FRMD4A: variants seen among roughly 807,000 people sequenced by gnomAD.
FRMD4A encodes the protein FERM domain containing 4A, also known as FERM domain-containing protein 4A.
Under a neutral mutation model 129.1 loss-of-function variants are expected in FRMD4A, and 29 were observed. The observed-to-expected ratio is 0.22, with a 90% CI of 0.17 to 0.31. The LOEUF is 0.31. Ranked by LOEUF, FRMD4A falls within the 10% of genes least tolerant of loss-of-function variation. The pLI is 1.00. For missense variants in FRMD4A, 1,272 were observed against 1,375.8 expected, an observed-to-expected ratio of 0.92 and a Z score of 1.19; for synonymous variants, 634 against 571.6, an observed-to-expected ratio of 1.11 and a Z score of -1.56.
chr10:14,106,130 T>C (rs1837574507), intron 2 of FRMD4A, among the ~76,000 whole-genome samples: 1 of 152,236 alleles, frequency 6.6e-6, no homozygotes, highest in Non-Finnish European at 1.5e-5. Context: ...CACCAATTTT[T>C]ACCATGCCTA....
intron 12 of FRMD4A, among the ~76,000 whole-genome samples, chr10:13,734,076 C>A (rs550284319): frequency 4.6e-5 from 7 of 152,196 alleles, no homozygotes; most frequent in Non-Finnish European, 1.0e-4. Flanking sequence ...ACTCCCAGAC[C>A]TCCTCTTCTC....
intron 2 of FRMD4A, among the ~76,000 whole-genome samples, chr10:14,098,102 T>C (rs1837094453): frequency 6.9e-6 from 1 of 144,840 alleles, no homozygotes; most frequent in South Asian, 2.1e-4. Context: ...AATTATAGAT[T>C]ATATATAATT....
chr10:14,065,420 G>A (rs922805763), intron 2 of FRMD4A, among the ~76,000 whole-genome samples: 8 of 152,082 alleles, frequency 5.3e-5, no homozygotes, highest in Non-Finnish European at 8.8e-5. Context: ...CCTGAACTCA[G>A]GTGATCTGCC....
intron 2 of FRMD4A, among the ~76,000 whole-genome samples, chr10:13,949,150 CTG>C (rs1008484259): frequency 1.3e-5 from 2 of 151,998 alleles, no homozygotes; most frequent in African/African-American, 4.8e-5. Flanking sequence ...TCTTCAGTGA[CTG>C]TGTAACCACT....
chr10:13,823,966 G>T (rs996716516), intron 3 of FRMD4A, among the ~76,000 whole-genome samples: 75 of 152,174 alleles, frequency 4.9e-4, no homozygotes, highest in African/African-American at 1.7e-3. Flanking sequence ...GCTGTGGCTG[G>T]CATTCGAAGA....
At chr10:14,033,105 G>C (rs1436679999) in intron 2 of FRMD4A, among the ~76,000 whole-genome samples, 2 of 152,114 alleles carry the variant, frequency 1.3e-5, no homozygotes, top group African/African-American at 4.8e-5. Context: ...TCAGGAGTTC[G>C]AGATCAGCCT....
chr10:14,173,114 T>C (rs1457804293), intron 2 of FRMD4A, among the ~76,000 whole-genome samples: 2 of 152,236 alleles, frequency 1.3e-5, no homozygotes, highest in African/African-American at 2.4e-5. Context: ...CAAAGCTTTG[T>C]CCTATTGACT....
At chr10:14,150,294 T>A (rs986354914) in intron 2 of FRMD4A, among the ~76,000 whole-genome samples, 1 of 152,150 alleles carries the variant, frequency 6.6e-6, no homozygotes, top group Non-Finnish European at 1.5e-5. Flanking sequence ...GAGAAGTGCA[T>A]ATTTCATATG....
At chr10:13,691,907 G>A (rs1338558878) in intron 15 of FRMD4A, among the ~76,000 whole-genome samples, 1 of 152,154 alleles carries the variant, frequency 6.6e-6, no homozygotes, top group Non-Finnish European at 1.5e-5. Flanking sequence ...GCTGTAATTC[G>A]AGGTAGGGGT....
At chr10:14,008,946 G>C (rs2095671786) in intron 2 of FRMD4A, among the ~76,000 whole-genome samples, 1 of 152,224 alleles carries the variant, frequency 6.6e-6, no homozygotes, top group South Asian at 2.1e-4. Context: ...ACATGGTTCA[G>C]ATGAATCAAA....
At chr10:14,233,996 T>C (rs910344020) in intron 2 of FRMD4A, among the ~76,000 whole-genome samples, 4 of 152,218 alleles carry the variant, frequency 2.6e-5, no homozygotes, top group African/African-American at 9.7e-5. Context: ...TCCTTTCTAC[T>C]GTGCCAAGAT....
intron 2 of FRMD4A, among the ~76,000 whole-genome samples, chr10:13,994,895 T>C (rs1485822725): frequency 6.6e-6 from 1 of 152,202 alleles, no homozygotes; most frequent in Non-Finnish European, 1.5e-5. Context: ...CTACATTTCT[T>C]CCCTGCCTGG....
intron 2 of FRMD4A, among the ~76,000 whole-genome samples, chr10:13,992,929 G>T (rs1332220948): frequency 7.6e-6 from 1 of 131,650 alleles, no homozygotes; most frequent in Non-Finnish European, 1.6e-5. Context: ...CTCCAGCCTG[G>T]GCAATAGAGT....
chr10:14,134,248 A>AATGGATGGATGGATGG (rs60021621), intron 2 of FRMD4A, among the ~76,000 whole-genome samples: 3,140 of 149,748 alleles, frequency 0.021, 55 homozygotes, highest in South Asian at 0.04. Flanking sequence ...AATTGGAAAG[A>AATGGATGGATGGATGG]ATGGATGGAT....
intron 2 of FRMD4A, among the ~76,000 whole-genome samples, chr10:14,062,789 C>G (rs187613792): frequency 1.2e-3 from 179 of 152,284 alleles, no homozygotes; most frequent in Non-Finnish European, 2.1e-3. Flanking sequence ...CCTGGCCAGG[C>G]ACAGTGGCTC....
chr10:14,275,173 T>C (rs192434265), intron 2 of FRMD4A, among the ~76,000 whole-genome samples: 45 of 152,332 alleles, frequency 3.0e-4, no homozygotes, highest in Non-Finnish European at 7.3e-5. Flanking sequence ...TCCAGATTCA[T>C]GGAGACCATA....
intron 2 of FRMD4A, among the ~76,000 whole-genome samples, chr10:14,128,698 T>C (rs1839063797): frequency 6.6e-6 from 1 of 152,178 alleles, no homozygotes; most frequent in South Asian, 2.1e-4. Flanking sequence ...AATGAGAAAA[T>C]GCACGTGGTA....
At chr10:13,968,282 A>T (rs2095497365) in intron 2 of FRMD4A, among the ~76,000 whole-genome samples, 1 of 152,254 alleles carries the variant, frequency 6.6e-6, no homozygotes, top group African/African-American at 2.4e-5. Context: ...GCCTTAGCCA[A>T]TGAAGACACC....
intron 6 of FRMD4A, among the ~76,000 whole-genome samples, chr10:13,776,440 C>G (rs2092598493): frequency 6.6e-6 from 1 of 152,132 alleles, no homozygotes; most frequent in African/African-American, 2.4e-5. Flanking sequence ...AGGAATTCAA[C>G]AACCTAAAAG....
Sources: gnomAD v4.1 joint callset for allele counts (sites outside exome capture counted in the v4.1 genomes callset) on GRCh38, gnomAD v4.1.1 for gene constraint, MANE v1.5 for transcripts, NCBI Gene and HGNC (gene_info 2026-07-23, HGNC 2026-07-21) for gene names.